RALGPS1: variants seen among roughly 807,000 people sequenced by gnomAD.
The protein encoded by RALGPS1 is ras-specific guanine nucleotide-releasing factor RalGPS1.
In RALGPS1, 19 loss-of-function variants were observed where a neutral mutation model predicts 78.8. That is an observed-to-expected ratio of 0.24 (90% CI 0.17 to 0.35). RALGPS1 has a LOEUF of 0.35. Among genes scored for constraint, RALGPS1 ranks in the 10% least tolerant of loss-of-function variants. The pLI is 1.00. For missense variants in RALGPS1, 454 were observed against 688.3 expected, an observed-to-expected ratio of 0.66 and a Z score of 3.81; for synonymous variants, 228 against 256.3, an observed-to-expected ratio of 0.89 and a Z score of 1.06.
intron 14 of RALGPS1, among the ~76,000 whole-genome samples, chr9:127,201,036 G>C (rs2061604988): frequency 6.6e-6 from 1 of 152,246 alleles, no homozygotes; most frequent in Admixed American, 6.5e-5. Context: ...TATAGTTCCT[G>C]CTAAGTACTC....
intron 4 of RALGPS1, among the ~76,000 whole-genome samples, chr9:127,032,743 C>T (rs951722773): frequency 6.6e-6 from 1 of 152,024 alleles, no homozygotes; most frequent in Non-Finnish European, 1.5e-5. Flanking sequence ...TAATCCCAGC[C>T]CTTTTGGAGG....
chr9:126,968,388 T>A (rs915836100), intron 3 of RALGPS1, among the ~76,000 whole-genome samples: 8 of 152,188 alleles, frequency 5.3e-5, no homozygotes, highest in African/African-American at 1.9e-4. Context: ...AGAGATTAAT[T>A]TTCTACATGG....
intron 5 of RALGPS1, among the ~76,000 whole-genome samples, chr9:127,036,653 G>A (rs182800256): frequency 2.6e-5 from 4 of 152,288 alleles, no homozygotes; most frequent in South Asian, 2.1e-4. Context: ...CTGCTTCTCC[G>A]TGGGATCCGA....
intron 8 of RALGPS1, among the ~76,000 whole-genome samples, chr9:127,101,779 G>C (rs2053754862): frequency 6.6e-6 from 1 of 152,148 alleles, no homozygotes; most frequent in Non-Finnish European, 1.5e-5. Context: ...TACCATCTAA[G>C]ATACTTAATT....
At chr9:126,927,158 C>A (rs1331873046) in intron 1 of RALGPS1, among the ~76,000 whole-genome samples, 1 of 152,116 alleles carries the variant, frequency 6.6e-6, no homozygotes, top group East Asian at 1.9e-4. Flanking sequence ...TGTTTAAGGG[C>A]TTTCACAGAT....
chr9:127,055,963 G>A (rs2135489093), intron 7 of RALGPS1, among the ~76,000 whole-genome samples: 1 of 152,328 alleles, frequency 6.6e-6, no homozygotes, highest in South Asian at 2.1e-4. Context: ...AGGAGGGCCT[G>A]TCAGGGAGGG....
At chr9:127,044,173 A>G (rs746257548) in intron 5 of RALGPS1, among the ~76,000 whole-genome samples, 6 of 152,238 alleles carry the variant, frequency 3.9e-5, no homozygotes, top group Non-Finnish European at 8.8e-5. Flanking sequence ...ATAATAAACC[A>G]TGGTAAATCC....
chr9:127,184,034 G>A lies in RALGPS1; in HGVS notation c.910+9252G>A, dbSNP rs1199684246. ...CCCGTGGCCTAGGAATCTAAGAAAT[G>A]ATCAAGGTCAACCAGGTGCAGTGGC... On this transcript the variant is annotated intron_variant, in intron 11 of 18. Coordinates refer to ENST00000259351, the MANE Select transcript of RALGPS1 (RefSeq NM_014636.3). The A allele has an allele frequency of 2.6e-6, 4 of 1,548,512 alleles. No homozygotes were observed. In the African/African-American group the frequency reaches 5.5e-5, roughly 21 times the overall value.
Position 127,197,288 on chromosome 9 carries a change from A to T in RALGPS1, c.1195+657A>T, listed in dbSNP as rs572278200. ...ACCCCTGCAGTGTCCAGGTCAGCTG[A>T]GGACAGGTGGGCACCGCCCTGTTAT... On this transcript the variant is annotated intron_variant, in intron 13 of 18. Transcript: ENST00000259351. 2.0e-5 allele frequency among the ~76,000 whole-genome samples: 3 copies of T among 152,220 alleles called. 1 individual carries two copies. The South Asian group carries it at 6.2e-4, about 32-fold the overall frequency.
chr9:127,141,072 C>G (rs749561555), intron 8 of RALGPS1, among the ~76,000 whole-genome samples: 24 of 152,242 alleles, frequency 1.6e-4, no homozygotes, highest in Non-Finnish European at 3.2e-4. Flanking sequence ...AGAGGGCTGT[C>G]CAGGGAGTGG....
chr9:127,120,226 T>C (rs867091118), intron 8 of RALGPS1, among the ~76,000 whole-genome samples: 2 of 152,218 alleles, frequency 1.3e-5, no homozygotes, highest in South Asian at 2.1e-4. Flanking sequence ...TTATCCACTA[T>C]GGTTCTGCTG....
intron 4 of RALGPS1, among the ~76,000 whole-genome samples, chr9:127,014,847 C>T (rs992621393): frequency 3.3e-5 from 5 of 152,130 alleles, no homozygotes; most frequent in Admixed American, 6.5e-5. Context: ...ACATCATACC[C>T]GGGACCTTTG....
chr9:127,117,060 T>A (rs1308473993), intron 8 of RALGPS1, among the ~76,000 whole-genome samples: 1 of 152,222 alleles, frequency 6.6e-6, no homozygotes, highest in Non-Finnish European at 1.5e-5. Flanking sequence ...GCGTCCTGCT[T>A]AAAAACAGAC....
chr9:127,217,361 A>T (rs1347756119), intron 18 of RALGPS1: 1 of 1,002,482 alleles, frequency 1.0e-6, no homozygotes, highest in Non-Finnish European at 1.2e-6. Context: ...ACAGCAGAGG[A>T]TGATTTAAGT....
At chr9:127,082,588 G>A (rs2051285774) in intron 8 of RALGPS1, among the ~76,000 whole-genome samples, 1 of 152,046 alleles carries the variant, frequency 6.6e-6, no homozygotes, top group Admixed American at 6.6e-5. Context: ...TTCCTCCCTG[G>A]GTATAGTGAT....
At chr9:126,968,747 T>C (rs779995533) in intron 3 of RALGPS1, among the ~76,000 whole-genome samples, 1 of 152,206 alleles carries the variant, frequency 6.6e-6, no homozygotes, top group Non-Finnish European at 1.5e-5. Context: ...ACATATGCAA[T>C]TTAAAATTTT....
intron 8 of RALGPS1, among the ~76,000 whole-genome samples, chr9:127,099,845 G>A (rs1179864772): frequency 6.6e-6 from 1 of 152,234 alleles, no homozygotes; most frequent in Non-Finnish European, 1.5e-5. Context: ...CAGGGAAAAG[G>A]TCCAAATGCT....
At chr9:127,097,072 T>G (rs559990521) in intron 8 of RALGPS1, among the ~76,000 whole-genome samples, 39 of 152,374 alleles carry the variant, frequency 2.6e-4, no homozygotes, top group Non-Finnish European at 4.7e-4. Context: ...GACTTAGCTC[T>G]GTGTCCTTAG....
At chr9:127,177,594 C>G (rs567435605) in intron 11 of RALGPS1, among the ~76,000 whole-genome samples, 166 of 152,226 alleles carry the variant, frequency 1.1e-3, no homozygotes, top group African/African-American at 4.0e-3. Flanking sequence ...CCCTAGCCCC[C>G]AGCCCAGGTC....
Sources: allele counts gnomAD v4.1 joint callset (sites outside exome capture counted in the v4.1 genomes callset), GRCh38; gene constraint gnomAD v4.1.1; transcripts MANE v1.5; gene names NCBI Gene and HGNC (gene_info 2026-07-23, HGNC 2026-07-21).